The following TRNAU1AP variants were observed in gnomAD, a reference collection of about 807,000 sequenced individuals.
The protein encoded by TRNAU1AP is tRNA selenocysteine 1 associated protein 1.
TRNAU1AP carries 33 observed loss-of-function variants against 43.3 expected under a neutral mutation model. The observed-to-expected ratio is 0.76, with a 90% confidence interval of 0.58 to 1.02. The LOEUF (loss-of-function observed/expected upper bound fraction) is 1.02, where lower values mean the gene tolerates loss of function less well. Among genes scored for constraint, TRNAU1AP ranks in the 50% least tolerant of loss-of-function variants. The pLI, the probability that TRNAU1AP is intolerant of heterozygous loss-of-function variation, is 0.00. For synonymous variants in TRNAU1AP, 143 were observed against 129.1 expected (o/e 1.11, Z -0.73); for missense variants, 290 against 362.7 (o/e 0.80, Z 1.63).
Position 28,577,854 on chromosome 1 carries a change from C to T in TRNAU1AP, c.*218C>T, listed in dbSNP as rs1362345630. On this transcript the variant is annotated 3_prime_UTR_variant, in exon 9 of 9. Coordinates refer to ENST00000373830, the MANE Select transcript of TRNAU1AP (RefSeq NM_017846.5). ...AAACAAGGTTCAAATTGGTTTCCTT[C>T]ACAGGAATCCTTTGTCCAGGTAGTT... 1.9e-6 allele frequency: 1 copy of T among 522,210 alleles called. No homozygotes were observed. Among genetic ancestry groups the T allele is most frequent in the Admixed American group, 3.5e-5 (1 of 28,890 alleles). The allele number at this position is 522,210 out of a possible 1,614,324, so 32.3% of individuals were successfully genotyped here. A position where few individuals can be genotyped will look rare whatever the true frequency, so the allele number is the denominator to read the frequency against.
At chr1:28,559,398 G>T (rs750225361) in intron 2 of TRNAU1AP, among the ~76,000 whole-genome samples, 4 of 152,124 alleles carry the variant, frequency 2.6e-5, no homozygotes, top group African/African-American at 4.8e-5. Flanking sequence ...AGAGGCCGAG[G>T]CGGGCAGATC....
intron 8 of TRNAU1AP, among the ~76,000 whole-genome samples, chr1:28,575,466 T>G (rs890341711): frequency 2.1e-5 from 3 of 140,156 alleles, no homozygotes; most frequent in East Asian, 2.0e-4. Flanking sequence ...TTTTTTTTTG[T>G]TTTTTTTTTT....
chr1:28,571,748 ACT>A, intron 7 of TRNAU1AP, 117 bp from the exon 8 acceptor site: 2 of 780,904 alleles, frequency 2.6e-6, no homozygotes, highest in Non-Finnish European at 4.3e-6. Context: ...ACGCCACTAC[ACT>A]CTAGTCTGGG....
intron 6 of TRNAU1AP, among the ~76,000 whole-genome samples, chr1:28,570,560 G>GT (rs199816366): frequency 0.055 from 7,872 of 143,088 alleles, 615 homozygotes; most frequent in African/African-American, 0.18. Flanking sequence ...TTTTTGTTTT[G>GT]TTTTTTTTTT....
chr1:28,561,445 C>T, intron 4 of TRNAU1AP, 47 bp downstream of exon 4: 1 of 1,607,336 alleles, frequency 6.2e-7, no homozygotes, highest in Non-Finnish European at 8.5e-7. Context: ...TGTCACTGTG[C>T]CTGTCACTGC....
rs1178078009 is a variant in TRNAU1AP at position 28,574,077 on chromosome 1, C to CTTT, written c.727+2194_727+2196dup. 2.5e-3 allele frequency among the ~76,000 whole-genome samples: 309 copies of CTTT among 124,128 alleles called. 3 individuals carry two copies. Among genetic ancestry groups the CTTT allele is most frequent in the Middle Eastern group, 8.3e-3 (2 of 240 alleles). The allele number at this position is 124,128 out of a possible 152,430, so 81.4% of individuals were successfully genotyped here. ...TGGGCAACATAACGAGACCCCATCT[C>CTTT]TTTTTTTTTTTTTTTTTTTGGGAGA... On this transcript the variant is annotated intron_variant, in intron 8 of 8. Transcript: ENST00000373830.
chr1:28,566,921 A>G (rs1346184941), intron 5 of TRNAU1AP, among the ~76,000 whole-genome samples: 1 of 152,270 alleles, frequency 6.6e-6, no homozygotes, highest in Non-Finnish European at 1.5e-5. Flanking sequence ...TGCGTAGCAC[A>G]GTGCCTGGCA....
rs1342412005 is a variant in TRNAU1AP at position 28,560,297 on chromosome 1, A to T, written c.126-336A>T. ...CTTGAGCCTTTTTTTTTTTTTTTTT[A>T]AAACAGTCTCAAACCAGCCTGTTGC... On this transcript the variant is annotated intron_variant, in intron 2 of 8. Coordinates refer to ENST00000373830, the MANE Select transcript of TRNAU1AP (RefSeq NM_017846.5). Among the ~76,000 whole-genome samples the T allele has an allele frequency of 1.0e-3, 107 of 103,352 alleles. 1 individual carries two copies. The highest frequency in any genetic ancestry group is 1.5e-3 in the East Asian group (7 of 4,528). 67.8% of individuals were successfully genotyped at this position (103,352 alleles called of 152,430 possible).
chr1:28,553,662 A>G lies in TRNAU1AP; in HGVS notation c.50A>G (p.Asn17Ser), dbSNP rs1455777631. The change falls in exon 2 of 9, where the codon AAC becomes AGC. Residue 17 changes from asparagine (N) to serine (S), a missense_variant. Around this residue, in one of 3 missense-constraint regions of TRNAU1AP, gnomAD observed 59 missense variants for 45.5 expected, o/e 1.30. Coordinates refer to ENST00000373830, the MANE Select transcript of TRNAU1AP (RefSeq NM_017846.5). ...MGDLEPYMDE[N>S]FISRAFATMG... The stretch of plus-strand genomic sequence containing the variant: ...CAGCTGGAACCCTACATGGATGAGA[A>G]CTTCATCTCCAGAGCCTTTGCCACC... 2.5e-6 allele frequency: 4 copies of G among 1,614,056 alleles called. No homozygotes were observed. The highest frequency in any genetic ancestry group is 3.4e-6 in the Non-Finnish European group (4 of 1,180,020).
In TRNAU1AP at chr1:28,553,137, C is replaced by G; in HGVS notation, c.27C>G (p.Asp9Glu). 1 of 1,518,734 alleles carries G rather than the reference C, an allele frequency of 6.6e-7. No homozygotes were observed. The highest frequency in any genetic ancestry group is 8.8e-7 in the Non-Finnish European group (1 of 1,130,076). The allele number at this position is 1,518,734 out of a possible 1,614,324, so 94.1% of individuals were successfully genotyped here. The change falls in exon 1 of 9, where the codon GAC becomes GAG. Residue 9 changes from aspartate (D) to glutamate (E), a missense_variant and splice_region_variant. This residue lies in a region of TRNAU1AP where 59 missense variants were observed against 45.5 expected (regional missense o/e 1.30). Coordinates refer to ENST00000373830, the MANE Select transcript of TRNAU1AP (RefSeq NM_017846.5). Reference protein sequence around the residue: MAASLWMGDLEPYMDENFI... With the variant: MAASLWMGELEPYMDENFI... ...TGGCGGCCAGCCTGTGGATGGGCGA[C>G]GTGAGTGAGGGCAGCCGTCCGGGGT...
intron 8 of TRNAU1AP, among the ~76,000 whole-genome samples, chr1:28,574,136 A>G (rs1441559486): frequency 1.4e-5 from 2 of 144,216 alleles, no homozygotes; most frequent in Non-Finnish European, 3.0e-5. Context: ...GCTGGAGTGC[A>G]GTGGTGCAGT....
intron 7 of TRNAU1AP, 76 bp from the exon 8 acceptor site, chr1:28,571,791 T>TAAAAAAAATAAAAAAAATAAAATAAAAA (rs984220100): frequency 8.0e-7 from 1 of 1,253,006 alleles, no homozygotes; most frequent in African/African-American, 1.5e-5. Flanking sequence ...TCAAAAAAAA[T>TAAAAAAAATAAAAAAAATAAAATAAAAA]AAAAAATATA....
intron 8 of TRNAU1AP, among the ~76,000 whole-genome samples, chr1:28,575,457 T>C (rs1377868295): frequency 6.6e-6 from 1 of 150,588 alleles, no homozygotes; most frequent in Non-Finnish European, 1.5e-5. Context: ...GGCCCAATGT[T>C]TTTTTTTGTT....
intron 4 of TRNAU1AP, among the ~76,000 whole-genome samples, chr1:28,564,490 C>T (rs1313843170): frequency 1.3e-5 from 2 of 152,182 alleles, no homozygotes; most frequent in African/African-American, 4.8e-5. Context: ...CAGACAAGTT[C>T]TGTGGAGTGG....
At position 28,553,256 on chromosome 1, in the gene TRNAU1AP, G is replaced by T. The variant is rs552108746; in HGVS notation, c.27+119G>T. ...CAGAAAGGGGAGACGTGTGACGGGG[G>T]TTCTTTTTGGTGACACAGAAGCGGG... On this transcript the variant is annotated intron_variant, in intron 1 of 8. Transcript: ENST00000373830. The T allele has an allele frequency of 7.9e-6, 9 of 1,145,092 alleles. No homozygotes were observed. In the African/African-American group the frequency reaches 1.3e-4, roughly 16 times the overall value. 70.9% of individuals were successfully genotyped at this position (1,145,092 alleles called of 1,614,324 possible).
chr1:28,557,364 G>T (rs559813800), intron 2 of TRNAU1AP, among the ~76,000 whole-genome samples: 2 of 151,240 alleles, frequency 1.3e-5, no homozygotes, highest in Non-Finnish European at 2.9e-5. Flanking sequence ...AGCTTGCAGC[G>T]AGCGGAGATC....
chr1:28,566,944 T>G (rs1241934112), intron 5 of TRNAU1AP, among the ~76,000 whole-genome samples: 1 of 152,268 alleles, frequency 6.6e-6, no homozygotes, highest in East Asian at 1.9e-4. Flanking sequence ...CAGGGCAGAC[T>G]GTAAATATTT....
chr1:28,564,876 C>T, intron 5 of TRNAU1AP, 42 bp downstream of exon 5: 1 of 1,612,374 alleles, frequency 6.2e-7, no homozygotes, highest in Non-Finnish European at 8.5e-7. Flanking sequence ...GTGTTAGTTT[C>T]AGCCTTTCTC....
At chr1:28,563,377 G>A (rs1185891085) in intron 4 of TRNAU1AP, among the ~76,000 whole-genome samples, 2 of 151,700 alleles carry the variant, frequency 1.3e-5, no homozygotes, top group Non-Finnish European at 2.9e-5. Flanking sequence ...GAGAAACCCC[G>A]TCTCTACTAA....
Sources: gnomAD v4.1 joint callset for allele counts (sites outside exome capture counted in the v4.1 genomes callset) on GRCh38, gnomAD v4.1.1 for gene constraint, gnomAD v4.1.1 regional missense constraint, MANE v1.5 for transcripts, NCBI Gene and HGNC (gene_info 2026-07-23, HGNC 2026-07-21) for gene names.